CNTNAP2: variants seen among roughly 807,000 people sequenced by gnomAD.
The protein encoded by CNTNAP2 is contactin-associated protein-like 2.
In CNTNAP2, 98 loss-of-function variants were observed where a neutral mutation model predicts 155.2. The observed-to-expected ratio is 0.63, with a 90% CI of 0.54 to 0.75. The LOEUF is 0.75. Ranked by LOEUF, CNTNAP2 falls within the 30% of genes least tolerant of loss-of-function variation. CNTNAP2 has a pLI of 0.00. For synonymous variants in CNTNAP2, 651 were observed against 631.2 expected (o/e 1.03, Z -0.47); for missense variants, 1,727 against 1,688.1 (o/e 1.02, Z -0.40).
chr7:146,453,263 G>A (rs541655457), intron 1 of CNTNAP2, among the ~76,000 whole-genome samples: 23 of 152,282 alleles, frequency 1.5e-4, no homozygotes, highest in Admixed American at 1.3e-3. Context: ...CCTGAAGCTC[G>A]CATAGAGCTC....
intron 16 of CNTNAP2, among the ~76,000 whole-genome samples, chr7:148,123,515 C>G (rs1414038010): frequency 6.6e-6 from 1 of 151,892 alleles, no homozygotes; most frequent in South Asian, 2.1e-4. Flanking sequence ...GAGAATCCCT[C>G]GAGCCCAAGA....
chr7:146,322,668 A>T (rs1801027161), intron 1 of CNTNAP2, among the ~76,000 whole-genome samples: 1 of 81,170 alleles, frequency 1.2e-5, no homozygotes, highest in Non-Finnish European at 2.3e-5. Context: ...CTATGACGGT[A>T]ACTGACACTC....
chr7:146,221,144 C>T (rs1280683732), intron 1 of CNTNAP2, among the ~76,000 whole-genome samples: 1 of 152,210 alleles, frequency 6.6e-6, no homozygotes, highest in Non-Finnish European at 1.5e-5. Flanking sequence ...CTTCCCACAA[C>T]CATGAACAAC....
chr7:146,679,177 T>C (rs946222135), intron 1 of CNTNAP2, among the ~76,000 whole-genome samples: 3 of 152,162 alleles, frequency 2.0e-5, no homozygotes, highest in Non-Finnish European at 4.4e-5. Context: ...AGCCTTCTGA[T>C]AGGCCCTAGT....
At chr7:146,430,174 A>G (rs1210254073) in intron 1 of CNTNAP2, among the ~76,000 whole-genome samples, 1 of 117,002 alleles carries the variant, frequency 8.5e-6, no homozygotes, top group Non-Finnish European at 1.6e-5. Context: ...ATTTGCCTGA[A>G]GTTTTTTTTT....
intron 15 of CNTNAP2, among the ~76,000 whole-genome samples, chr7:148,019,688 C>G (rs1459309620): frequency 6.6e-6 from 1 of 152,028 alleles, no homozygotes; most frequent in African/African-American, 2.4e-5. Flanking sequence ...AACTCCTGGC[C>G]TCAAGTGATC....
At chr7:147,117,274 C>G (rs1801010367) in intron 5 of CNTNAP2, among the ~76,000 whole-genome samples, 1 of 152,070 alleles carries the variant, frequency 6.6e-6, no homozygotes, top group South Asian at 2.1e-4. Flanking sequence ...GTGTCAGACC[C>G]AAGGCTCTGG....
rs145747752 is a variant in CNTNAP2, at chr7:148,154,428, A to T, written c.2773+6719A>T. ...CCAACCTCCCCAAATTCTAAAATAC[A>T]GCTTGTTTGGTCAGCTGCTTCTCAT... On this transcript the variant is annotated intron_variant, in intron 17 of 23. Transcript: ENST00000361727. Among the ~76,000 whole-genome samples, 191 of 152,332 alleles carry T rather than the reference A, an allele frequency of 1.3e-3. 1 individual carries two copies. Among genetic ancestry groups the T allele is most frequent in the African/African-American group, 4.5e-3 (185 of 41,570 alleles).
chr7:146,512,476 G>A lies in CNTNAP2; in HGVS notation c.98-261795G>A, dbSNP rs140137310. On this transcript the variant is annotated intron_variant, in intron 1 of 23. Transcript: ENST00000361727. The stretch of plus-strand genomic sequence containing the variant: ...CTTTTGCTGTATCCCATAGGTTTTG[G>A]TATGTTGTTTTTACATTTTCTCTTG... Among the ~76,000 whole-genome samples, 65 of 148,318 alleles carry A rather than the reference G, an allele frequency of 4.4e-4. No homozygotes were observed. The East Asian group carries it at 5.1e-3, about 12-fold the overall frequency.
At chr7:146,258,520 T>A (rs1799873986) in intron 1 of CNTNAP2, among the ~76,000 whole-genome samples, 1 of 152,194 alleles carries the variant, frequency 6.6e-6, no homozygotes, top group Admixed American at 6.5e-5. Flanking sequence ...GTGAAATAGC[T>A]TGTTGATGTT....
intron 16 of CNTNAP2, among the ~76,000 whole-genome samples, chr7:148,137,889 C>T (rs906658684): frequency 3.3e-5 from 5 of 152,224 alleles, no homozygotes; most frequent in African/African-American, 1.2e-4. Context: ...CAGAATCAAT[C>T]TCTTTTTATA....
At chr7:147,540,017 A>G (rs527680404) in intron 11 of CNTNAP2, among the ~76,000 whole-genome samples, 1 of 152,250 alleles carries the variant, frequency 6.6e-6, no homozygotes, top group Admixed American at 6.5e-5. Flanking sequence ...TAACTCTCTC[A>G]TGTCTAGGCT....
chr7:146,692,198 T>C (rs1366313010), intron 1 of CNTNAP2, among the ~76,000 whole-genome samples: 1 of 152,170 alleles, frequency 6.6e-6, no homozygotes, highest in Non-Finnish European at 1.5e-5. Flanking sequence ...TGCTTTTCTG[T>C]TAGAGTTTAT....
At chr7:147,047,105 CTTT>C (rs34699998) in intron 4 of CNTNAP2, among the ~76,000 whole-genome samples, 7 of 99,800 alleles carry the variant, frequency 7.0e-5, no homozygotes, top group South Asian at 7.8e-4. Flanking sequence ...AGTTATGTTT[CTTT>C]TTTTTTTTTT....
intron 1 of CNTNAP2, among the ~76,000 whole-genome samples, chr7:146,305,148 G>A (rs1469302590): frequency 6.6e-6 from 1 of 151,998 alleles, no homozygotes; most frequent in South Asian, 2.1e-4. Context: ...TCTCTACACT[G>A]TTTATTCTAA....
chr7:148,218,821 G>A (rs903205187), intron 19 of CNTNAP2, among the ~76,000 whole-genome samples: 2 of 151,964 alleles, frequency 1.3e-5, no homozygotes, highest in Non-Finnish European at 2.9e-5. Flanking sequence ...TGACCCTTCA[G>A]CAGTGACCTC....
intron 8 of CNTNAP2, among the ~76,000 whole-genome samples, chr7:147,285,356 A>G (rs1303486116): frequency 6.6e-6 from 1 of 151,928 alleles, no homozygotes; most frequent in Non-Finnish European, 1.5e-5. Context: ...TATTTTAATG[A>G]AAGCCACTAA....
At chr7:146,139,142 G>A (rs1262268231) in intron 1 of CNTNAP2, among the ~76,000 whole-genome samples, 2 of 152,074 alleles carry the variant, frequency 1.3e-5, no homozygotes, top group African/African-American at 2.4e-5. Context: ...GGGTGACTGG[G>A]AGCTTTGACC....
At chr7:146,944,641 G>A (rs1175670317) in intron 3 of CNTNAP2, among the ~76,000 whole-genome samples, 1 of 152,086 alleles carries the variant, frequency 6.6e-6, no homozygotes, top group African/African-American at 2.4e-5. Context: ...CACTTTGGGA[G>A]GCCAAGGTGG....
Sources: gnomAD v4.1 joint callset for allele counts (sites outside exome capture counted in the v4.1 genomes callset) on GRCh38, gnomAD v4.1.1 for gene constraint, MANE v1.5 for transcripts, NCBI Gene and HGNC (gene_info 2026-07-23, HGNC 2026-07-21) for gene names.